The following GARRE1 variants were observed in gnomAD, a reference collection of about 807,000 sequenced individuals.
The protein encoded by GARRE1 is granule associated Rac and RHOG effector 1.
Under a neutral mutation model 103.2 loss-of-function variants are expected in GARRE1, and 49 were observed. The observed-to-expected ratio is 0.47, with a 90% CI of 0.38 to 0.60. The LOEUF (loss-of-function observed/expected upper bound fraction) is 0.60, where lower values mean the gene tolerates loss of function less well. Ranked by LOEUF, GARRE1 falls within the 20% of genes least tolerant of loss-of-function variation. GARRE1 has a pLI of 0.00. For synonymous variants in GARRE1, 505 were observed against 532.8 expected (o/e 0.95, Z 0.72); for missense variants, 1,199 against 1,370.5 (o/e 0.87, Z 1.98).
chr19:34,275,114 G>A (rs1026458069), intron 1 of GARRE1, among the ~76,000 whole-genome samples: 3 of 151,012 alleles, frequency 2.0e-5, no homozygotes, highest in Middle Eastern at 3.5e-3. Flanking sequence ...ATTATCAAGG[G>A]TAGATATTTG....
chr19:34,319,050 CATTGTAACTGTGGTTTAT>C (rs1389094641), intron 2 of GARRE1, among the ~76,000 whole-genome samples: 2 of 151,902 alleles, frequency 1.3e-5, no homozygotes, highest in African/African-American at 4.8e-5. Context: ...ATAGAGAACA[CATTGTAACTGTGGTTTAT>C]GCAAGAAAGT....
intron 6 of GARRE1, among the ~76,000 whole-genome samples, chr19:34,329,602 G>A (rs975861749): frequency 3.9e-5 from 6 of 152,248 alleles, no homozygotes; most frequent in Non-Finnish European, 7.4e-5. Context: ...TTGGGAGGCC[G>A]AGGTGGGCAG....
chr19:34,335,161 A>G (rs1379814093), intron 8 of GARRE1, among the ~76,000 whole-genome samples: 1 of 152,250 alleles, frequency 6.6e-6, no homozygotes, highest in Non-Finnish European at 1.5e-5. Context: ...TGAAACAGGC[A>G]AAGAGGTTGT....
intron 12 of GARRE1, 65 bp downstream of exon 12, chr19:34,349,218 TC>T (rs1307761751): frequency 1.3e-6 from 2 of 1,542,282 alleles, no homozygotes; most frequent in Non-Finnish European, 1.8e-6. Context: ...CATGGCTCAC[TC>T]CCTGGGAAAG....
At chr19:34,302,642 G>A (rs2073986060) in intron 2 of GARRE1, among the ~76,000 whole-genome samples, 1 of 150,016 alleles carries the variant, frequency 6.7e-6, no homozygotes, top group Non-Finnish European at 1.5e-5. Flanking sequence ...AGTCCCACAC[G>A]TTTATAGAAT....
chr19:34,296,206 G>T, intron 1 of GARRE1: 1 of 498,492 alleles, frequency 2.0e-6, no homozygotes, highest in Non-Finnish European at 3.6e-6. Flanking sequence ...GAGGATCCCC[G>T]CCCCATGCAG....
In GARRE1 at chr19:34,352,826, C is replaced by T. The variant is rs368576883; in HGVS notation, c.3084C>T (p.Ala1028=). 74 of 1,612,348 alleles carry T rather than the reference C, an allele frequency of 4.6e-5. No homozygotes were observed. The highest frequency in any genetic ancestry group is 2.8e-4 in the Admixed American group (17 of 59,682). ...GGGCCGCAACCAACGACTGCAGTGC[C>T]GCTGCCTTCTCCTATGTGCAGACCC... ...PVWAATNDCS[A]AAFSYVQTPP... The change falls in exon 14 of 14, where the codon GCC becomes GCT. Residue 1028 remains alanine, a synonymous_variant. Coordinates refer to ENST00000299505, the MANE Select transcript of GARRE1 (RefSeq NM_014686.5).
intron 2 of GARRE1, among the ~76,000 whole-genome samples, chr19:34,318,808 G>A (rs1406634159): frequency 2.0e-5 from 3 of 152,126 alleles, no homozygotes; most frequent in Non-Finnish European, 2.9e-5. Context: ...TTGGGAGGCC[G>A]AGGCAGGTGG....
At position 34,340,055 on chromosome 19, in the gene GARRE1, T is replaced by A; in HGVS notation, c.1487+63T>A. On this transcript the variant is annotated intron_variant, in intron 9 of 13. Coordinates refer to ENST00000299505, the MANE Select transcript of GARRE1 (RefSeq NM_014686.5). ...GACAGTGTGACTATGCACAGTTTCA[T>A]GTGTGCTTGTGTCATTGATAGTATA... 5 of 1,542,700 alleles carry A rather than the reference T, an allele frequency of 3.2e-6. 1 individual carries two copies. In the South Asian group the frequency reaches 5.6e-5, roughly 17 times the overall value.
intron 10 of GARRE1, among the ~76,000 whole-genome samples, chr19:34,344,735 C>T (rs1267587141): frequency 6.6e-6 from 1 of 152,030 alleles, no homozygotes; most frequent in Admixed American, 6.5e-5. Context: ...CGCAGTGGCG[C>T]GATCCCCACT....
chr19:34,345,358 G>A (rs1329285266), intron 10 of GARRE1, among the ~76,000 whole-genome samples: 1 of 152,220 alleles, frequency 6.6e-6, no homozygotes, highest in Non-Finnish European at 1.5e-5. Context: ...GCAACCCTGG[G>A]CCACAAGAAG....
At chr19:34,313,345 G>C (rs1464883762) in intron 2 of GARRE1, among the ~76,000 whole-genome samples, 1 of 152,226 alleles carries the variant, frequency 6.6e-6, no homozygotes, top group Non-Finnish European at 1.5e-5. Context: ...GGAGAGCTAG[G>C]AAGGAAATGA....
intron 1 of GARRE1, among the ~76,000 whole-genome samples, chr19:34,285,429 C>A (rs1187533546): frequency 6.6e-6 from 1 of 152,038 alleles, no homozygotes. Context: ...TTGAGACCAG[C>A]CTGGCCAACG....
chr19:34,290,890 T>C (rs2073914013), intron 1 of GARRE1, among the ~76,000 whole-genome samples: 7 of 9,756 alleles, frequency 7.2e-4, no homozygotes, highest in Admixed American at 1.5e-3. Context: ...TTTTTTTTTT[T>C]TTTTTTTTTT....
intron 8 of GARRE1, among the ~76,000 whole-genome samples, chr19:34,337,287 A>G (rs1367596082): frequency 6.6e-6 from 1 of 152,206 alleles, no homozygotes; most frequent in Non-Finnish European, 1.5e-5. Flanking sequence ...ACTTGAGAAT[A>G]GAGAAGGGGG....
At chr19:34,351,686 G>A (rs1342858123) in intron 13 of GARRE1, 94 bp downstream of exon 13, 1 of 868,578 alleles carries the variant, frequency 1.2e-6, no homozygotes. Context: ...CTTCTTTGTG[G>A]TGATTAATTT....
At chr19:34,280,689 T>C (rs1196460990) in intron 1 of GARRE1, among the ~76,000 whole-genome samples, 2 of 152,204 alleles carry the variant, frequency 1.3e-5, no homozygotes, top group East Asian at 3.8e-4. Flanking sequence ...TTTTGATGCT[T>C]AAGTTGTCCC....
At chr19:34,290,503 T>C (rs1225111702) in intron 1 of GARRE1, among the ~76,000 whole-genome samples, 1 of 152,086 alleles carries the variant, frequency 6.6e-6, no homozygotes, top group African/African-American at 2.4e-5. Flanking sequence ...TTTTTTTCTC[T>C]CTCTCTCTCT....
intron 1 of GARRE1, among the ~76,000 whole-genome samples, chr19:34,295,757 C>T (rs1458507555): frequency 6.6e-6 from 1 of 152,138 alleles, no homozygotes. Context: ...TCTCAAATTC[C>T]TGGCCTCAAG....
Sources: allele counts gnomAD v4.1 joint callset (sites outside exome capture counted in the v4.1 genomes callset), GRCh38; gene constraint gnomAD v4.1.1; transcripts MANE v1.5; gene names NCBI Gene and HGNC (gene_info 2026-07-23, HGNC 2026-07-21).